PGA5: variants seen among roughly 807,000 people sequenced by gnomAD.
The protein encoded by PGA5 is pepsin A-5.
A neutral mutation model predicts 15.9 loss-of-function variants in PGA5; 19 were observed. That is an observed-to-expected ratio of 1.19 (90% CI 0.83 to 1.75). The LOEUF (loss-of-function observed/expected upper bound fraction) is 1.75. Among genes scored for constraint, PGA5 ranks in the 40% most tolerant of loss-of-function variants. PGA5 has a pLI of 0.00. For missense variants in PGA5, 224 were observed against 246.4 expected (o/e 0.91, Z 0.61); for synonymous variants, 92 against 95.8 (o/e 0.96, Z 0.23).
At position 61,249,944 on chromosome 11, in the gene PGA5, GC is replaced by G. The variant is rs1854117008; in HGVS notation, c.949del (p.Leu317CysfsTer35). 1.2e-6 allele frequency: 2 copies of G among 1,613,190 alleles called. No individual in the cohort carries two copies. Among genetic ancestry groups the G allele is most frequent in the African/African-American group, 2.7e-5 (2 of 74,494 alleles). ...DMVVSCSAIS[S>X]LPDIVFTING... is the part of the protein sequence containing the mutation. Reference sequence around the variant, plus strand: ...GTGGTCAGCTGCTCAGCCATCAGCAGCCTGCCCGACATCGTCTTCACCATCA... The same window carrying G: ...GTGGTCAGCTGCTCAGCCATCAGCAGCTGCCCGACATCGTCTTCACCATCA... On this transcript the variant is annotated frameshift_variant, in exon 8 of 9. Transcript: ENST00000312403. LOFTEE classifies it high-confidence loss of function.
intron 8 of PGA5, 44 bp downstream of exon 8, chr11:61,250,058 T>C: frequency 6.3e-7 from 1 of 1,595,182 alleles, no homozygotes; most frequent in Non-Finnish European, 8.5e-7. Flanking sequence ...TCACACAGAA[T>C]GTGGACACAG....
chr11:61,249,907 T>G lies in PGA5; in HGVS notation c.919-9T>G, dbSNP rs1854116160. Reference sequence around the variant, plus strand: ...CCCTTCTAACTTTTCTCACCCTCACTCTTTCCAGATGGTGGTCAGCTGCTC... The same window carrying G: ...CCCTTCTAACTTTTCTCACCCTCACGCTTTCCAGATGGTGGTCAGCTGCTC... On this transcript the variant is annotated splice_polypyrimidine_tract_variant and intron_variant, in intron 7 of 8. Transcript: ENST00000312403. 6.2e-7 allele frequency: 1 copy of G among 1,613,508 alleles called. No homozygotes were observed. Among genetic ancestry groups the G allele is most frequent in the South Asian group, 1.1e-5 (1 of 91,052 alleles).
At chr11:61,248,045 A>C in intron 5 of PGA5, 2 of 606,660 alleles carry the variant, frequency 3.3e-6, no homozygotes, top group Non-Finnish European at 5.8e-6. Context: ...TCAAGTCCTT[A>C]AGAGCGGACA....
chr11:61,247,281 CT>C lies in PGA5; in HGVS notation c.657-1123del, dbSNP rs1173101519. On this transcript the variant is annotated intron_variant, in intron 5 of 8. Coordinates refer to ENST00000312403, the MANE Select transcript of PGA5 (RefSeq NM_014224.5). Reference sequence around the variant, plus strand: ...TGGCCAGTTCTCGGATGATTAATTTCTTTTTTTTTTTTTTTGTGATGGGGTC... The same window carrying C: ...TGGCCAGTTCTCGGATGATTAATTTCTTTTTTTTTTTTTTGTGATGGGGTC... Among the ~76,000 whole-genome samples, 1,319 of 139,080 alleles carry C rather than the reference CT, an allele frequency of 9.5e-3. 3 individuals carry two copies. Among genetic ancestry groups the C allele is most frequent in the Non-Finnish European group, 0.012 (768 of 63,482 alleles). The allele number at this position is 139,080 out of a possible 152,430, so 91.2% of individuals were successfully genotyped here. A position where few individuals can be genotyped will look rare whatever the true frequency, so the allele number is the denominator to read the frequency against.
chr11:61,246,655 C>A (rs889782818), intron 5 of PGA5, among the ~76,000 whole-genome samples: 1 of 151,844 alleles, frequency 6.6e-6, no homozygotes, highest in Non-Finnish European at 1.5e-5. Context: ...CCCAGCTACT[C>A]AGGAGGCTGA....
Position 61,249,580 on chromosome 11 carries a change from G to A in PGA5, c.774-89G>A, listed in dbSNP as rs1441458389. ...ACGCATTGGCCAATGGATGGGTGGGGAAGGAATGTCTGGGCTCACCTCCTG... is the reference window on the plus strand; with the variant it reads ...ACGCATTGGCCAATGGATGGGTGGGAAAGGAATGTCTGGGCTCACCTCCTG... On this transcript the variant is annotated intron_variant, in intron 6 of 8. Transcript: ENST00000312403. The A allele has an allele frequency of 4.4e-6, 7 of 1,608,548 alleles. No homozygotes were observed. The Admixed American group carries it at 5.0e-5, about 12-fold the overall frequency.
intron 5 of PGA5, among the ~76,000 whole-genome samples, chr11:61,247,646 A>G (rs1340527656): frequency 6.6e-6 from 1 of 152,082 alleles, no homozygotes; most frequent in African/African-American, 2.4e-5. Flanking sequence ...AGAGATTTAG[A>G]AAATGAATAT....
chr11:61,246,666 G>C (rs981972205), intron 5 of PGA5, among the ~76,000 whole-genome samples: 4 of 151,918 alleles, frequency 2.6e-5, no homozygotes, highest in African/African-American at 9.7e-5. Flanking sequence ...AGGAGGCTGA[G>C]GCAGGGAGAA....
intron 6 of PGA5, 23 bp downstream of exon 6, chr11:61,248,558 G>C: frequency 6.2e-7 from 1 of 1,611,158 alleles, no homozygotes; most frequent in Non-Finnish European, 8.5e-7. Context: ...TGAACGGGCA[G>C]CATCCAGGCC....
At chr11:61,249,365 A>G (rs1261266916) in intron 6 of PGA5, 26 of 515,196 alleles carry the variant, frequency 5.0e-5, no homozygotes, top group Non-Finnish European at 8.0e-5. Flanking sequence ...CTGACTGATC[A>G]TCTTGCCCTT....
rs1854117857 is a variant in PGA5 at position 61,249,972 on chromosome 11, T to C, written c.975T>C (p.Asn325=). Residue 325 remains asparagine (N), a synonymous_variant, in exon 8 of 9, where the codon AAT becomes AAC. Transcript: ENST00000312403. ...SSLPDIVFTI[N]GVQYPVPPSA... is the part of the protein sequence containing the mutation. ...TGCCCGACATCGTCTTCACCATCAA[T>C]GGAGTCCAGTACCCCGTGCCACCCA... The C allele has an allele frequency of 1.2e-6, 2 of 1,612,316 alleles. No homozygotes were observed. Among genetic ancestry groups the C allele is most frequent in the East Asian group, 2.2e-5 (1 of 44,840 alleles).
intron 5 of PGA5, among the ~76,000 whole-genome samples, chr11:61,247,547 G>T (rs949998009): frequency 2.0e-5 from 3 of 151,984 alleles, no homozygotes; most frequent in Non-Finnish European, 4.4e-5. Flanking sequence ...AAAGTGCTGG[G>T]ATTACAGGCA....
chr11:61,249,016 C>T lies in PGA5; in HGVS notation c.773+481C>T, dbSNP rs185910911. Among the ~76,000 whole-genome samples, 17 of 152,246 alleles carry T rather than the reference C, an allele frequency of 1.1e-4. No homozygotes were observed. The East Asian group carries it at 3.3e-3, about 29-fold the overall frequency. The stretch of plus-strand genomic sequence containing the variant: ...TCTCCCTGGCAGCTTCATTTCTACG[C>T]TGTTCTTCCCCAGCTAGCCTGCTAG... On this transcript the variant is annotated intron_variant, in intron 6 of 8. Transcript: ENST00000312403.
rs1175692434 is a variant in PGA5, at chr11:61,251,286, A to C, written c.*5A>C. ...GGCCTGGCCCCTGTGGCTTAAGCCT[A>C]AGTCTCTTCAGCCACCTCCCAGGAA... is the stretch of plus-strand genomic sequence containing the variant. On this transcript the variant is annotated 3_prime_UTR_variant, in exon 9 of 9. Transcript: ENST00000312403. 1 of 1,611,790 alleles carries C rather than the reference A, an allele frequency of 6.2e-7. No homozygotes were observed. The highest frequency in any genetic ancestry group is 8.5e-7 in the Non-Finnish European group (1 of 1,179,836).
chr11:61,246,763 CAATAAATAAATAAATA>C (rs147138290), intron 5 of PGA5, among the ~76,000 whole-genome samples: 9 of 147,216 alleles, frequency 6.1e-5, no homozygotes, highest in African/African-American at 1.5e-4. Flanking sequence ...GACTCCATCT[CAATAAATAAATAAATA>C]AATAAATAAA....
chr11:61,249,477 G>C (rs542075507), intron 6 of PGA5, 192 bp from the exon 7 acceptor site: 1 of 1,136,392 alleles, frequency 8.8e-7, no homozygotes, highest in African/African-American at 1.6e-5. Context: ...CCTGGCAGAG[G>C]GTAGGCACTT....
intron 6 of PGA5, among the ~76,000 whole-genome samples, chr11:61,248,737 G>A (rs633288): frequency 3.9e-5 from 6 of 152,140 alleles, no homozygotes; most frequent in African/African-American, 7.2e-5. Context: ...AGAGCTGTCT[G>A]GGAAGCTGAG....
chr11:61,251,130 A>G lies in PGA5; in HGVS notation c.1018-2A>G, dbSNP rs755918847. 3 of 1,611,852 alleles carry G rather than the reference A, an allele frequency of 1.9e-6. No homozygotes were observed. The highest frequency in any genetic ancestry group is 2.5e-6 in the Non-Finnish European group (3 of 1,179,858). On this transcript the variant is annotated splice_acceptor_variant, in intron 8 of 8. Coordinates refer to ENST00000312403, the MANE Select transcript of PGA5 (RefSeq NM_014224.5). LOFTEE classifies it high-confidence loss of function. ...CTCCACTTTTATTCTCCTTTTCTCCAGAGCGAGGGGAGCTGCATCAGTGGC... is the reference window on the plus strand; with the variant it reads ...CTCCACTTTTATTCTCCTTTTCTCCGGAGCGAGGGGAGCTGCATCAGTGGC...
At position 61,251,124 on chromosome 11, in the gene PGA5, T is replaced by C; in HGVS notation, c.1018-8T>C. The C allele has an allele frequency of 6.2e-7, 1 of 1,611,826 alleles. No individual in the cohort carries two copies. The highest frequency in any genetic ancestry group is 8.5e-7 in the Non-Finnish European group (1 of 1,179,866). The stretch of plus-strand genomic sequence containing the variant: ...TCCCAGCTCCACTTTTATTCTCCTT[T>C]TCTCCAGAGCGAGGGGAGCTGCATC... On this transcript the variant is annotated splice_region_variant and splice_polypyrimidine_tract_variant and intron_variant, in intron 8 of 8. Transcript: ENST00000312403.
Sources: allele counts gnomAD v4.1 joint callset (sites outside exome capture counted in the v4.1 genomes callset), GRCh38; gene constraint gnomAD v4.1.1; transcripts MANE v1.5; gene names NCBI Gene and HGNC (gene_info 2026-07-23, HGNC 2026-07-21).